SPATA17: variants seen among roughly 807,000 people sequenced by gnomAD.
SPATA17 encodes spermatogenesis associated 17.
In SPATA17, 53 loss-of-function variants were observed where a neutral mutation model predicts 62.2. The observed-to-expected ratio is 0.85, with a 90% CI of 0.68 to 1.07. SPATA17 has a LOEUF of 1.07. SPATA17 is among the 50% of genes least tolerant of loss of function. SPATA17 has a pLI of 0.00. For synonymous variants in SPATA17, 146 were observed against 146.8 expected, an observed-to-expected ratio of 0.99 and a Z score of 0.04; for missense variants, 466 against 425.5, an observed-to-expected ratio of 1.10 and a Z score of -0.84.
chr1:217,680,539 A>T (rs1279519017), intron 4 of SPATA17, among the ~76,000 whole-genome samples: 1 of 152,058 alleles, frequency 6.6e-6, no homozygotes, highest in East Asian at 1.9e-4. Context: ...TAAAGAATTG[A>T]TCTGGCAAAT....
At chr1:217,804,413 T>C (rs951427822) in intron 9 of SPATA17, among the ~76,000 whole-genome samples, 1 of 152,126 alleles carries the variant, frequency 6.6e-6, no homozygotes, top group Non-Finnish European at 1.5e-5. Flanking sequence ...TAAAACTAGA[T>C]TAAGACCTGA....
chr1:217,669,218 A>C (rs1178407927), intron 4 of SPATA17, 135 bp downstream of exon 4: 9 of 715,032 alleles, frequency 1.3e-5, no homozygotes, highest in Admixed American at 1.1e-4. Context: ...GTATGTAGTT[A>C]AAAAGTTAGT....
intron 6 of SPATA17, among the ~76,000 whole-genome samples, chr1:217,762,833 G>T (rs1039622316): frequency 5.3e-5 from 8 of 152,158 alleles, no homozygotes; most frequent in African/African-American, 1.9e-4. Context: ...TTAGCTGGGC[G>T]TGGTGGTGTG....
chr1:217,789,475 T>G (rs1673948083), intron 8 of SPATA17, among the ~76,000 whole-genome samples: 1 of 152,186 alleles, frequency 6.6e-6, no homozygotes, highest in African/African-American at 2.4e-5. Flanking sequence ...AGGTGTTTAT[T>G]GCAGGGCGCC....
rs72728857 is a variant in SPATA17 at position 217,788,625 on chromosome 1, C to A, written c.872+6303C>A. Among the ~76,000 whole-genome samples the A allele has an allele frequency of 8.8e-3, 1,338 of 152,108 alleles. 9 individuals are homozygous for A. The highest frequency in any genetic ancestry group is 0.017 in the Middle Eastern group (5 of 294). ...GCAATGTGAGGAGGGTTCAATTTAC[C>A]TTTCCTAGCTTTAAAGATGGGGCAT... On this transcript the variant is annotated intron_variant, in intron 8 of 10. Coordinates refer to ENST00000366933, the MANE Select transcript of SPATA17 (RefSeq NM_138796.4).
rs953960944 is a variant in SPATA17, at chr1:217,867,994, A to G, written c.*975A>G. On this transcript the variant is annotated 3_prime_UTR_variant, in exon 11 of 11. Coordinates refer to ENST00000366933, the MANE Select transcript of SPATA17 (RefSeq NM_138796.4). ...AAATCCAGACTCTGGGAAATGTTATAGGCCAAATGATCTGTTTCTTCAACA... is the reference window on the plus strand; with the variant it reads ...AAATCCAGACTCTGGGAAATGTTATGGGCCAAATGATCTGTTTCTTCAACA... 6.6e-5 allele frequency: 10 copies of G among 152,196 alleles called. No homozygotes were observed. Among genetic ancestry groups the G allele is most frequent in the Admixed American group, 5.9e-4 (9 of 15,276 alleles). 9.4% of individuals were successfully genotyped at this position (152,196 alleles called of 1,614,324 possible).
chr1:217,795,103 A>T (rs1394450561), intron 8 of SPATA17, among the ~76,000 whole-genome samples: 1 of 152,200 alleles, frequency 6.6e-6, no homozygotes, highest in Non-Finnish European at 1.5e-5. Flanking sequence ...ACTAGTCTTA[A>T]GACTAATGTT....
At chr1:217,850,042 A>G (rs1675612483) in intron 9 of SPATA17, among the ~76,000 whole-genome samples, 1 of 152,060 alleles carries the variant, frequency 6.6e-6, no homozygotes, top group African/African-American at 2.4e-5. Context: ...CTGAATATGT[A>G]GCTTACTGGA....
chr1:217,831,565 A>C (rs1255471536), intron 9 of SPATA17, among the ~76,000 whole-genome samples: 2 of 152,212 alleles, frequency 1.3e-5, no homozygotes, highest in East Asian at 3.8e-4. Flanking sequence ...TATTTAAAAG[A>C]TCAAATCCCT....
intron 5 of SPATA17, among the ~76,000 whole-genome samples, chr1:217,711,683 G>T (rs1671869226): frequency 6.6e-6 from 1 of 152,208 alleles, no homozygotes; most frequent in East Asian, 1.9e-4. Flanking sequence ...GGACAAGGTA[G>T]AGAAATTAAG....
At chr1:217,680,239 T>G (rs1671046648) in intron 4 of SPATA17, among the ~76,000 whole-genome samples, 1 of 152,176 alleles carries the variant, frequency 6.6e-6, no homozygotes, top group Non-Finnish European at 1.5e-5. Context: ...CTATATGACC[T>G]TAGGCAATTA....
chr1:217,704,263 A>G (rs906667688), intron 5 of SPATA17, among the ~76,000 whole-genome samples: 8 of 5,002 alleles, frequency 1.6e-3, no homozygotes, highest in African/African-American at 2.4e-3. Context: ...TTTTTTTTTG[A>G]GACGGAGTCT....
chr1:217,634,520 T>C (rs1669894449), intron 1 of SPATA17, among the ~76,000 whole-genome samples: 1 of 152,152 alleles, frequency 6.6e-6, no homozygotes, highest in African/African-American at 2.4e-5. Flanking sequence ...CTGCAAAATA[T>C]CTCTAGCACT....
chr1:217,871,603 T>C lies in SPATA17; in HGVS notation c.*4584T>C, dbSNP rs1483573705. Reference sequence around the variant, plus strand: ...CCACTGTGCAAAGCATTAGGATAAATTTTTATTGAAAATTGAGTGAATGAC... The same window carrying C: ...CCACTGTGCAAAGCATTAGGATAAACTTTTATTGAAAATTGAGTGAATGAC... On this transcript the variant is annotated 3_prime_UTR_variant, in exon 11 of 11. Transcript: ENST00000366933. The C allele has an allele frequency of 1.3e-5, 2 of 152,170 alleles. No individual in the cohort carries two copies. Among genetic ancestry groups the C allele is most frequent in the Non-Finnish European group, 2.9e-5 (2 of 68,028 alleles). 9.4% of individuals were successfully genotyped at this position (152,170 alleles called of 1,614,324 possible). A position where few individuals can be genotyped will look rare whatever the true frequency, so the allele number is the denominator to read the frequency against.
At chr1:217,748,938 T>C (rs1416925295) in intron 6 of SPATA17, among the ~76,000 whole-genome samples, 1 of 152,148 alleles carries the variant, frequency 6.6e-6, no homozygotes, top group Non-Finnish European at 1.5e-5. Flanking sequence ...TGTGTGCATA[T>C]GTGTGGGTAT....
intron 9 of SPATA17, among the ~76,000 whole-genome samples, chr1:217,838,779 A>G (rs1394411415): frequency 3.3e-5 from 5 of 152,098 alleles, no homozygotes; most frequent in Admixed American, 6.6e-5. Context: ...TTATAGTTCT[A>G]TATTTCTAAA....
At chr1:217,795,575 G>A (rs1432597538) in intron 8 of SPATA17, among the ~76,000 whole-genome samples, 1 of 151,764 alleles carries the variant, frequency 6.6e-6, no homozygotes, top group Non-Finnish European at 1.5e-5. Flanking sequence ...TCACCATGTT[G>A]GCCAGGCTGG....
chr1:217,662,075 C>T (rs189272469), intron 3 of SPATA17, among the ~76,000 whole-genome samples: 4 of 152,170 alleles, frequency 2.6e-5, no homozygotes, highest in Non-Finnish European at 2.9e-5. Flanking sequence ...TTGAGAGTTC[C>T]CTGACTGCAT....
chr1:217,671,227 A>G (rs1670825574), intron 4 of SPATA17, among the ~76,000 whole-genome samples: 1 of 152,018 alleles, frequency 6.6e-6, no homozygotes, highest in South Asian at 2.1e-4. Context: ...CCTGTGATTT[A>G]ACTTCTCTCC....
Sources: allele counts gnomAD v4.1 joint callset (sites outside exome capture counted in the v4.1 genomes callset), GRCh38; gene constraint gnomAD v4.1.1; transcripts MANE v1.5; gene names NCBI Gene and HGNC (gene_info 2026-07-23, HGNC 2026-07-21).